The following CADM2 variants were observed in gnomAD, a reference collection of about 807,000 sequenced individuals.
The protein encoded by CADM2 is immunoglobulin superfamily member 4D.
CADM2 carries 12 observed loss-of-function variants against 49.8 expected under a neutral mutation model. The ratio of observed to expected loss-of-function variants is 0.24; its 90% CI spans 0.15 to 0.39. The LOEUF (loss-of-function observed/expected upper bound fraction) is 0.39, where lower values mean the gene tolerates loss of function less well. Ranked by LOEUF, CADM2 falls within the 10% of genes least tolerant of loss-of-function variation. The pLI is 1.00. For synonymous variants in CADM2, 214 were observed against 175.4 expected, an observed-to-expected ratio of 1.22 and a Z score of -1.74; for missense variants, 378 against 492.3, an observed-to-expected ratio of 0.77 and a Z score of 2.20.
chr3:85,625,740 A>AG (rs2107504269), intron 1 of CADM2, among the ~76,000 whole-genome samples: 1 of 152,110 alleles, frequency 6.6e-6, no homozygotes, highest in South Asian at 2.1e-4. Context: ...GTTCTATGCT[A>AG]GGGTATAGAG....
intron 3 of CADM2, among the ~76,000 whole-genome samples, chr3:85,873,914 G>A (rs1711501024): frequency 1.3e-5 from 2 of 151,968 alleles, no homozygotes; most frequent in South Asian, 2.1e-4. Context: ...AGTAAGAAGT[G>A]GGGAAACTGA....
chr3:85,469,390 G>T (rs561795841), intron 1 of CADM2, among the ~76,000 whole-genome samples: 5 of 152,108 alleles, frequency 3.3e-5, no homozygotes, highest in Middle Eastern at 3.2e-3. Context: ...TGTAGACAAG[G>T]GTGGGAACAT....
At chr3:85,744,564 A>G (rs2068532643) in intron 2 of CADM2, among the ~76,000 whole-genome samples, 1 of 152,166 alleles carries the variant, frequency 6.6e-6, no homozygotes. Flanking sequence ...TAAATGAAAT[A>G]CTCGGGGTAA....
At chr3:85,069,143 GCAAA>G (rs1270275502) in intron 1 of CADM2, among the ~76,000 whole-genome samples, 2 of 151,654 alleles carry the variant, frequency 1.3e-5, no homozygotes. Flanking sequence ...ATTACTGTGG[GCAAA>G]ACTAGGATGT....
rs1405584266 is a variant in CADM2, at chr3:86,070,959, AT to A, written c.*4180del. 1 of 151,908 alleles carries A rather than the reference AT, an allele frequency of 6.6e-6. No homozygotes were observed. Among genetic ancestry groups the A allele is most frequent in the Admixed American group, 6.6e-5 (1 of 15,242 alleles). The allele number at this position is 151,908 out of a possible 1,614,324, so 9.4% of individuals were successfully genotyped here. The stretch of plus-strand genomic sequence containing the variant: ...ATTGCTGGATACTTAATGCAAAGGG[AT>A]TTTAAAGAATTCTTCAGCAAGATCC... On this transcript the variant is annotated 3_prime_UTR_variant, in exon 10 of 10. Transcript: ENST00000383699.
At chr3:85,986,261 A>G (rs1427644736) in intron 8 of CADM2, among the ~76,000 whole-genome samples, 1 of 152,074 alleles carries the variant, frequency 6.6e-6, no homozygotes, top group Non-Finnish European at 1.5e-5. Context: ...ATCAGAATAA[A>G]AGAAAAAGCA....
chr3:86,009,568 A>G (rs1390976290), intron 8 of CADM2, among the ~76,000 whole-genome samples: 1 of 151,876 alleles, frequency 6.6e-6, no homozygotes, highest in Non-Finnish European at 1.5e-5. Context: ...TGTAGGTTTT[A>G]CTATGCTTTG....
chr3:85,083,613 A>G (rs1191041603), intron 1 of CADM2, among the ~76,000 whole-genome samples: 1 of 152,102 alleles, frequency 6.6e-6, no homozygotes, highest in Admixed American at 6.6e-5. Flanking sequence ...ACTCTAGAAT[A>G]CCCTATTGGT....
At chr3:85,896,219 G>A (rs1242292541) in intron 5 of CADM2, among the ~76,000 whole-genome samples, 2 of 152,144 alleles carry the variant, frequency 1.3e-5, no homozygotes, top group Non-Finnish European at 2.9e-5. Context: ...CTGGAAGTTT[G>A]AGTTTGCAGA....
chr3:85,686,981 C>T (rs891840152), intron 1 of CADM2, among the ~76,000 whole-genome samples: 1 of 152,174 alleles, frequency 6.6e-6, no homozygotes, highest in Admixed American at 6.5e-5. Context: ...ACCTTGGGCA[C>T]ATGTGTTCAG....
chr3:84,961,960 A>T (rs2107039826), intron 1 of CADM2, among the ~76,000 whole-genome samples: 1 of 152,096 alleles, frequency 6.6e-6, no homozygotes, highest in East Asian at 1.9e-4. Context: ...CTCTTTCTCT[A>T]CCCGGAGAGA....
At chr3:85,710,408 G>T (rs7611991) in intron 1 of CADM2, among the ~76,000 whole-genome samples, 2 of 151,692 alleles carry the variant, frequency 1.3e-5, no homozygotes, top group African/African-American at 2.4e-5. Flanking sequence ...TATCATTTAC[G>T]CTATTTGTCC....
intron 1 of CADM2, among the ~76,000 whole-genome samples, chr3:85,442,084 C>A (rs1049136616): frequency 6.6e-6 from 1 of 152,004 alleles, no homozygotes; most frequent in Non-Finnish European, 1.5e-5. Context: ...GCAAAATCTA[C>A]CCATTATTCA....
chr3:85,830,893 T>C (rs1048574254), intron 3 of CADM2, among the ~76,000 whole-genome samples: 2 of 151,536 alleles, frequency 1.3e-5, no homozygotes, highest in South Asian at 4.2e-4. Context: ...GTTACATGGA[T>C]GAATTGCATG....
intron 1 of CADM2, among the ~76,000 whole-genome samples, chr3:85,279,021 T>G (rs536196856): frequency 4.0e-5 from 6 of 151,404 alleles, no homozygotes; most frequent in Non-Finnish European, 8.9e-5. Flanking sequence ...TAATAAATAA[T>G]TATAAGACAA....
At chr3:85,729,851 C>T (rs1390609586) in intron 2 of CADM2, among the ~76,000 whole-genome samples, 1 of 152,080 alleles carries the variant, frequency 6.6e-6, no homozygotes, top group Admixed American at 6.6e-5. Context: ...CTTTGTTACA[C>T]TTTTCTGAAC....
At chr3:85,357,782 A>T (rs2107265393) in intron 1 of CADM2, among the ~76,000 whole-genome samples, 1 of 152,208 alleles carries the variant, frequency 6.6e-6, no homozygotes, top group African/African-American at 2.4e-5. Flanking sequence ...TATCAGTGGG[A>T]AAACAGTAGA....
intron 1 of CADM2, among the ~76,000 whole-genome samples, chr3:85,364,896 CAACAACAACAAT>C (rs1053505076): frequency 5.2e-5 from 5 of 95,332 alleles, no homozygotes; most frequent in South Asian, 3.4e-4. Context: ...ACAACAACAA[CAACAACAACAAT>C]AAACTAGAAG....
intron 7 of CADM2, among the ~76,000 whole-genome samples, chr3:85,936,090 AT>A: frequency 6.6e-6 from 1 of 150,986 alleles, no homozygotes; most frequent in Non-Finnish European, 1.5e-5. Context: ...TTCTTTTTGT[AT>A]TTTTTCCAGT....
Sources: allele counts gnomAD v4.1 joint callset (sites outside exome capture counted in the v4.1 genomes callset), GRCh38; gene constraint gnomAD v4.1.1; transcripts MANE v1.5; gene names NCBI Gene and HGNC (gene_info 2026-07-23, HGNC 2026-07-21).